The following ANK3 variants were observed in gnomAD, a reference collection of about 807,000 sequenced individuals.
ANK3 encodes ankyrin-3.
In ANK3, 57 loss-of-function variants were observed where a neutral mutation model predicts 370.9. That is an observed-to-expected ratio of 0.15 (90% CI 0.12 to 0.19). The LOEUF is 0.19. Ranked by LOEUF, ANK3 falls within the 10% of genes least tolerant of loss-of-function variation. ANK3 has a pLI of 1.00. For synonymous variants in ANK3, 1,929 were observed against 1,946.3 expected (o/e 0.99, Z 0.23); for missense variants, 4,439 against 5,302.1 (o/e 0.84, Z 5.06).
intron 23 of ANK3, among the ~76,000 whole-genome samples, chr10:60,152,881 C>A (rs932317940): frequency 1.3e-5 from 2 of 152,084 alleles, no homozygotes; most frequent in Non-Finnish European, 2.9e-5. Flanking sequence ...CCTTAAAAAT[C>A]TCAGTATCTA....
chr10:60,063,350 G>T, intron 39 of ANK3, 96 bp from the exon 40 acceptor site: 1 of 1,276,816 alleles, frequency 7.8e-7, no homozygotes, highest in Non-Finnish European at 1.1e-6. Flanking sequence ...CAGCCCTGCT[G>T]ACATTTTAGC....
intron 7 of ANK3, among the ~76,000 whole-genome samples, chr10:60,237,845 C>G (rs965091723): frequency 6.6e-6 from 1 of 152,092 alleles, no homozygotes; most frequent in African/African-American, 2.4e-5. Context: ...CAGCAATCCA[C>G]TGAAATAGGA....
chr10:60,348,386 A>G (rs2056161512), intron 1 of ANK3, among the ~76,000 whole-genome samples: 2 of 151,606 alleles, frequency 1.3e-5, no homozygotes, highest in South Asian at 4.2e-4. Context: ...AAAACAAAAA[A>G]AACGAACTAA....
In ANK3 at chr10:60,082,681, C is replaced by A. The variant is rs200259898; in HGVS notation, c.4257G>T (p.Lys1419Asn). 2.1e-5 allele frequency: 34 copies of A among 1,614,038 alleles called. No individual in the cohort carries two copies. The African/African-American group carries it at 4.1e-4, about 20-fold the overall frequency. Residue 1419 changes from lysine (K) to asparagine (N), a missense_variant, in exon 34 of 44, where the codon AAG becomes AAT. By Grantham distance (94) the Lys-to-Asn change is moderately conservative. Coordinates refer to ENST00000280772, the MANE Select transcript of ANK3 (RefSeq NM_020987.5). ...CTGTTTGAGGCAGTCCTTTTGTTGT[C>A]TTTGGTTCTTTCAGAAAAGACAGAC... is the stretch of plus-strand genomic sequence containing the variant. ...CGRLSFLKEP[K>N]TTKGLPQTAV...
chr10:60,081,682 A>T, intron 35 of ANK3: 2 of 311,076 alleles, frequency 6.4e-6, no homozygotes, highest in South Asian at 5.6e-5. Context: ...AACATGCTGG[A>T]TAGTAGGATA....
intron 8 of ANK3, among the ~76,000 whole-genome samples, chr10:60,217,252 C>A (rs2096954335): frequency 6.6e-6 from 1 of 151,728 alleles, no homozygotes; most frequent in South Asian, 2.1e-4. Flanking sequence ...GTTTTCACGT[C>A]TTTATCTCCT....
chr10:60,071,261 G>A lies in ANK3; in HGVS notation c.9620C>T (p.Ser3207Leu). The A allele has an allele frequency of 6.2e-7, 1 of 1,614,092 alleles. No individual in the cohort carries two copies. Among genetic ancestry groups the A allele is most frequent in the Non-Finnish European group, 8.5e-7 (1 of 1,179,990 alleles). The change falls in exon 37 of 44, where the codon TCA becomes TTA. Residue 3207 changes from serine to leucine, a missense_variant. Around this residue, in one of 13 missense-constraint regions of ANK3, gnomAD observed 1,601 missense variants for 1,731.7 expected, o/e 0.92. Transcript: ENST00000280772. ...PSPIPEVSEESEEEEQAKSTS... is the reference protein window; with the variant it reads ...PSPIPEVSEELEEEEQAKSTS... ...TGACTTGGCCTGTTCCTCCTCCTCT[G>A]ACTCCTCAGAAACCTCGGGAATTGG...
chr10:60,370,564 C>T (rs536363791), intron 1 of ANK3, among the ~76,000 whole-genome samples: 18 of 152,266 alleles, frequency 1.2e-4, no homozygotes, highest in South Asian at 6.2e-4. Flanking sequence ...ATACTTACAG[C>T]GCAGTAAATG....
chr10:60,684,506 T>G, intron 1 of ANK3: 1 of 1,473,948 alleles, frequency 6.8e-7, no homozygotes, highest in Non-Finnish European at 9.2e-7. Flanking sequence ...CAGCTGGAAA[T>G]GGGGAATGGA....
intron 5 of ANK3, among the ~76,000 whole-genome samples, chr10:60,267,741 C>T (rs1205717685): frequency 6.6e-6 from 1 of 152,148 alleles, no homozygotes; most frequent in Admixed American, 6.5e-5. Flanking sequence ...AGGAGAGATA[C>T]TTAGTGATCC....
intron 10 of ANK3, among the ~76,000 whole-genome samples, chr10:60,207,755 T>C (rs527872997): frequency 6.6e-6 from 1 of 152,338 alleles, no homozygotes. Flanking sequence ...TAAGACGACG[T>C]TGGCCACCTT....
intron 1 of ANK3, among the ~76,000 whole-genome samples, chr10:60,644,730 TACAGAA>T (rs1564476163): frequency 6.6e-6 from 1 of 151,582 alleles, no homozygotes; most frequent in Non-Finnish European, 1.5e-5. Flanking sequence ...TCACGTATCT[TACAGAA>T]AAGTATAATT....
intron 1 of ANK3, among the ~76,000 whole-genome samples, chr10:60,318,740 CT>C (rs1189789369): frequency 1.4e-4 from 22 of 152,150 alleles, no homozygotes; most frequent in African/African-American, 5.1e-4. Context: ...ACCCTGCCCC[CT>C]TTCAAAACAT....
Position 60,469,031 on chromosome 10 carries a change from G to GTATA in ANK3, c.96+146151_96+146154dup, listed in dbSNP as rs71015795. Among the ~76,000 whole-genome samples the GTATA allele has an allele frequency of 5.4e-3, 63 of 11,620 alleles. 8 individuals carry two copies. The highest frequency in any genetic ancestry group is 0.018 in the African/African-American group (51 of 2,792). The allele number at this position is 11,620 out of a possible 152,430, so 7.6% of individuals were successfully genotyped here. ...TATATATATATATACCACTTTTAGT[G>GTATA]TATATATATATATATATATATATAC... On this transcript the variant is annotated intron_variant, in intron 2 of 43. Transcript: ENST00000373827.
chr10:60,220,742 A>G (rs551773121), intron 8 of ANK3, among the ~76,000 whole-genome samples: 22 of 152,240 alleles, frequency 1.4e-4, no homozygotes, highest in African/African-American at 4.8e-4. Flanking sequence ...AAATGTATAC[A>G]ACCAAGCTGT....
At chr10:60,367,489 A>G (rs1178858745) in intron 1 of ANK3, among the ~76,000 whole-genome samples, 3 of 152,224 alleles carry the variant, frequency 2.0e-5, no homozygotes. Context: ...CCAGAGAAGG[A>G]GGCTTTCACT....
chr10:60,580,458 C>T (rs528188780), intron 2 of ANK3, among the ~76,000 whole-genome samples: 76 of 152,238 alleles, frequency 5.0e-4, no homozygotes, highest in Non-Finnish European at 2.6e-4. Context: ...TCAAATTTTG[C>T]CCTTTTCTAA....
At chr10:60,282,330 C>T (rs1050753569) in intron 1 of ANK3, among the ~76,000 whole-genome samples, 3 of 152,140 alleles carry the variant, frequency 2.0e-5, no homozygotes, top group Non-Finnish European at 4.4e-5. Context: ...TTAATAATTC[C>T]ATACACTGTC....
intron 2 of ANK3, among the ~76,000 whole-genome samples, chr10:60,549,025 A>G (rs1473760508): frequency 6.6e-6 from 1 of 152,130 alleles, no homozygotes; most frequent in Non-Finnish European, 1.5e-5. Context: ...ATTCCCATGG[A>G]AATTAAGTAA....
Sources: allele counts gnomAD v4.1 joint callset (sites outside exome capture counted in the v4.1 genomes callset), GRCh38; gene constraint gnomAD v4.1.1; regional missense constraint gnomAD v4.1.1; transcripts MANE v1.5; gene names NCBI Gene and HGNC (gene_info 2026-07-23, HGNC 2026-07-21).